Variants in CHST11 observed in about 807,000 individuals in gnomAD.
CHST11 encodes carbohydrate sulfotransferase 11.
A neutral mutation model predicts 30.4 loss-of-function variants in CHST11; 9 were observed. That is an observed-to-expected ratio of 0.30 (90% CI 0.18 to 0.52). The LOEUF (loss-of-function observed/expected upper bound fraction) is 0.52, where lower values mean the gene tolerates loss of function less well. Ranked by LOEUF, CHST11 falls within the 20% of genes least tolerant of loss-of-function variation. The pLI is 0.97. For synonymous variants in CHST11, 152 were observed against 187.8 expected, an observed-to-expected ratio of 0.81 and a Z score of 1.56; for missense variants, 348 against 460.6, an observed-to-expected ratio of 0.76 and a Z score of 2.24.
chr12:104,673,891 G>A (rs913260276), intron 2 of CHST11, among the ~76,000 whole-genome samples: 4 of 152,228 alleles, frequency 2.6e-5, no homozygotes, highest in African/African-American at 9.6e-5. Context: ...TGGCTGAGCA[G>A]TGAGAAGGCA....
In CHST11 at chr12:104,713,651, G is replaced by C. The variant is rs1164111864; in HGVS notation, c.205-43298G>C. ...CCTGCTGGTGAAGGATGCCGTGCTGGGCCACTCTTCTGTTTGCCGACTTGG... is the reference window on the plus strand; with the variant it reads ...CCTGCTGGTGAAGGATGCCGTGCTGCGCCACTCTTCTGTTTGCCGACTTGG... On this transcript the variant is annotated intron_variant, in intron 2 of 2. Transcript: ENST00000303694. 2.0e-5 allele frequency among the ~76,000 whole-genome samples: 3 copies of C among 152,118 alleles called. No individual in the cohort carries two copies. The East Asian group carries it at 5.8e-4, about 29-fold the overall frequency.
chr12:104,561,618 T>C (rs1273836813), intron 1 of CHST11, among the ~76,000 whole-genome samples: 1 of 152,164 alleles, frequency 6.6e-6, no homozygotes, highest in Non-Finnish European at 1.5e-5. Context: ...ACAGCTTGAA[T>C]TGGAAATGAT....
intron 1 of CHST11, among the ~76,000 whole-genome samples, chr12:104,486,050 G>T (rs981107006): frequency 6.6e-6 from 1 of 152,218 alleles, no homozygotes; most frequent in Non-Finnish European, 1.5e-5. Context: ...GCCTGTGTGT[G>T]TGTGCCCATC....
chr12:104,520,742 A>C (rs2038066479), intron 1 of CHST11, among the ~76,000 whole-genome samples: 1 of 152,216 alleles, frequency 6.6e-6, no homozygotes, highest in South Asian at 2.1e-4. Context: ...ACAGCATGGG[A>C]GCGGGGATGG....
At chr12:104,467,004 C>T (rs188337779) in intron 1 of CHST11, among the ~76,000 whole-genome samples, 42 of 152,312 alleles carry the variant, frequency 2.8e-4, no homozygotes, top group African/African-American at 9.9e-4. Context: ...TGACAATTAT[C>T]TTCAAGTTGT....
chr12:104,709,813 T>C (rs1311684037), intron 2 of CHST11, among the ~76,000 whole-genome samples: 1 of 152,218 alleles, frequency 6.6e-6, no homozygotes, highest in African/African-American at 2.4e-5. Context: ...AGGTTTCTTT[T>C]TGAAATAACA....
chr12:104,652,473 C>T (rs1348811330), intron 2 of CHST11, among the ~76,000 whole-genome samples: 1 of 152,170 alleles, frequency 6.6e-6, no homozygotes, highest in Non-Finnish European at 1.5e-5. Context: ...TGTCTTCAGG[C>T]GGAAATTGTT....
At chr12:104,479,480 G>C (rs1375325369) in intron 1 of CHST11, among the ~76,000 whole-genome samples, 1 of 152,166 alleles carries the variant, frequency 6.6e-6, no homozygotes, top group African/African-American at 2.4e-5. Context: ...GTAAAAATCT[G>C]TTGAGTGAGC....
In CHST11 at chr12:104,758,058, A is replaced by G. The variant is rs2040494954; in HGVS notation, c.*255A>G. On this transcript the variant is annotated 3_prime_UTR_variant, in exon 3 of 3. Coordinates refer to ENST00000303694, the MANE Select transcript of CHST11 (RefSeq NM_018413.6). ...TCAAAGGTTTCTTGTGTTCTGGTGA[A>G]TTCCATGAATTGTGCATTCCATAAA... 5.4e-6 allele frequency: 2 copies of G among 370,368 alleles called. No homozygotes were observed. The highest frequency in any genetic ancestry group is 4.5e-5 in the East Asian group (1 of 22,098). 22.9% of individuals were successfully genotyped at this position (370,368 alleles called of 1,614,324 possible).
At chr12:104,519,105 T>TGTGTGTGTGTGTGTGTGTG (rs1565972437) in intron 1 of CHST11, among the ~76,000 whole-genome samples, 7 of 151,286 alleles carry the variant, frequency 4.6e-5, no homozygotes, top group African/African-American at 1.7e-4. Context: ...TGTGTGTGTG[T>TGTGTGTGTGTGTGTGTGTG]TTCTTTCTCC....
At chr12:104,530,585 A>C (rs1364472073) in intron 1 of CHST11, among the ~76,000 whole-genome samples, 2 of 152,258 alleles carry the variant, frequency 1.3e-5, no homozygotes, top group African/African-American at 4.8e-5. Flanking sequence ...GACATACTAC[A>C]GGAAAAGGTG....
In CHST11 at chr12:104,751,978, G is replaced by A. The variant is rs184155982; in HGVS notation, c.205-4971G>A. 2.8e-3 allele frequency among the ~76,000 whole-genome samples: 419 copies of A among 152,302 alleles called. 6 individuals carry two copies. Among genetic ancestry groups the A allele is most frequent in the African/African-American group, 9.8e-3 (408 of 41,558 alleles). On this transcript the variant is annotated intron_variant, in intron 2 of 2. Transcript: ENST00000303694. ...ATAGTTTAGTACCAACTTGCTCAAAGTTATCACTTGAATGATTGACCTCCT... is the reference window on the plus strand; with the variant it reads ...ATAGTTTAGTACCAACTTGCTCAAAATTATCACTTGAATGATTGACCTCCT...
chr12:104,748,200 C>T (rs1321575754), intron 2 of CHST11, among the ~76,000 whole-genome samples: 3 of 152,044 alleles, frequency 2.0e-5, no homozygotes, highest in East Asian at 1.9e-4. Context: ...CAGCAGATGG[C>T]GAACCTGGGT....
In CHST11 at chr12:104,705,875, G is replaced by A. The variant is rs376855036; in HGVS notation, c.205-51074G>A. Among the ~76,000 whole-genome samples the A allele has an allele frequency of 3.3e-5, 5 of 151,728 alleles. No homozygotes were observed. The East Asian group carries it at 5.8e-4, about 18-fold the overall frequency. ...GCAGAGGTTGCAGTGAGCCAAGATC[G>A]CACCACTGCCTGGGAGACAGAGCGA... On this transcript the variant is annotated intron_variant, in intron 2 of 2. Transcript: ENST00000303694.
intron 2 of CHST11, among the ~76,000 whole-genome samples, chr12:104,634,410 G>A (rs761520224): frequency 1.8e-4 from 28 of 152,210 alleles, no homozygotes; most frequent in Non-Finnish European, 3.4e-4. Context: ...GCCTGTTAGA[G>A]GGAATATAAG....
At chr12:104,716,644 A>G (rs2040133746) in intron 2 of CHST11, among the ~76,000 whole-genome samples, 2 of 152,246 alleles carry the variant, frequency 1.3e-5, no homozygotes, top group Admixed American at 1.3e-4. Flanking sequence ...TTTGCTGAAT[A>G]CATGAAGGAT....
rs1023742903 is a variant in CHST11 at position 104,685,020 on chromosome 12, C to T, written c.205-71929C>T. On this transcript the variant is annotated intron_variant, in intron 2 of 2. Coordinates refer to ENST00000303694, the MANE Select transcript of CHST11 (RefSeq NM_018413.6). ...TAAACTCTATGATCACTTTGGCATT[C>T]CTCCAACAAACTCTGCATGGATTTT... 7.9e-5 allele frequency among the ~76,000 whole-genome samples: 12 copies of T among 152,238 alleles called. No individual in the cohort carries two copies. In the South Asian group the frequency reaches 1.4e-3, roughly 18 times the overall value.
At chr12:104,684,564 T>G (rs920059472) in intron 2 of CHST11, among the ~76,000 whole-genome samples, 4 of 152,228 alleles carry the variant, frequency 2.6e-5, no homozygotes, top group African/African-American at 9.6e-5. Context: ...TTGGTTTTGT[T>G]AGAGACGGAG....
intron 2 of CHST11, among the ~76,000 whole-genome samples, chr12:104,647,340 T>A (rs1434921797): frequency 6.6e-6 from 1 of 152,234 alleles, no homozygotes; most frequent in Non-Finnish European, 1.5e-5. Flanking sequence ...TTGCCTTTGA[T>A]ATAAAATAAA....
Sources: gnomAD v4.1 joint callset for allele counts (sites outside exome capture counted in the v4.1 genomes callset) on GRCh38, gnomAD v4.1.1 for gene constraint, MANE v1.5 for transcripts, NCBI Gene and HGNC (gene_info 2026-07-23, HGNC 2026-07-21) for gene names.